TECTA: variants seen among roughly 807,000 people sequenced by gnomAD.
TECTA encodes tectorin alpha, also known as alpha-tectorin.
Under a neutral mutation model 216.8 loss-of-function variants are expected in TECTA, and 128 were observed. That is an observed-to-expected ratio of 0.59 (90% CI 0.51 to 0.68). The LOEUF (loss-of-function observed/expected upper bound fraction) is 0.68, where lower values mean the gene tolerates loss of function less well. Ranked by LOEUF, TECTA falls within the 30% of genes least tolerant of loss-of-function variation. The probability of loss-of-function intolerance (pLI) is 0.00; values close to 1 mark genes in which losing one functional copy is unlikely to be tolerated. For synonymous variants in TECTA, 1,089 were observed against 1,117.1 expected (o/e 0.97, Z 0.50); for missense variants, 2,551 against 2,786.2 (o/e 0.92, Z 1.90).
intron 8 of TECTA, among the ~76,000 whole-genome samples, chr11:121,126,139 C>T (rs1018374909): frequency 1.3e-4 from 20 of 152,194 alleles, no homozygotes; most frequent in African/African-American, 4.1e-4. Flanking sequence ...CAGCAGGGGA[C>T]GGCAGCTCCA....
intron 7 of TECTA, among the ~76,000 whole-genome samples, chr11:121,119,079 TG>T (rs1341029970): frequency 6.6e-6 from 1 of 152,002 alleles, no homozygotes; most frequent in African/African-American, 2.4e-5. Context: ...CTCATGGTCC[TG>T]GCTTGCAATA....
At chr11:121,117,853 A>G (rs1168356326) in intron 6 of TECTA, among the ~76,000 whole-genome samples, 3 of 152,226 alleles carry the variant, frequency 2.0e-5, no homozygotes, top group African/African-American at 7.2e-5. Flanking sequence ...CTGGGCCCCC[A>G]ACAAATGTCT....
At chr11:121,116,659 TGGGGTATAGCA>T (rs1409389618) in intron 6 of TECTA, among the ~76,000 whole-genome samples, 2 of 152,206 alleles carry the variant, frequency 1.3e-5, no homozygotes, top group Non-Finnish European at 2.9e-5. Flanking sequence ...GGATTTGGCC[TGGGGTATAGCA>T]GGGGAAGTGT....
intron 21 of TECTA, among the ~76,000 whole-genome samples, chr11:121,188,339 C>T (rs1302266514): frequency 6.6e-6 from 1 of 152,216 alleles, no homozygotes; most frequent in Non-Finnish European, 1.5e-5. Flanking sequence ...ATACCAGTCA[C>T]ATCTTCCCCC....
chr11:121,108,836 C>T (rs931934483), intron 3 of TECTA, among the ~76,000 whole-genome samples: 6 of 141,392 alleles, frequency 4.2e-5, no homozygotes, highest in African/African-American at 1.4e-4. Flanking sequence ...CGCACCTCAC[C>T]CCAGTACACA....
At chr11:121,165,199 G>C (rs1454284896) in intron 16 of TECTA, 74 bp from the exon 17 acceptor site, 1 of 1,403,680 alleles carries the variant, frequency 7.1e-7, no homozygotes, top group Non-Finnish European at 9.9e-7. Context: ...GGCAAGTCTG[G>C]AGTGGAACCA....
chr11:121,124,698 G>A (rs1565521731), intron 7 of TECTA, among the ~76,000 whole-genome samples: 1 of 152,170 alleles, frequency 6.6e-6, no homozygotes, highest in Non-Finnish European at 1.5e-5. Flanking sequence ...CTGACATAGT[G>A]CTTGGTACCT....
At chr11:121,141,241 G>A (rs11218156) in intron 11 of TECTA, among the ~76,000 whole-genome samples, 1 of 152,282 alleles carries the variant, frequency 6.6e-6, no homozygotes, top group East Asian at 1.9e-4. Flanking sequence ...GTTATTATTA[G>A]TCACCATCTC....
chr11:121,185,414 T>G (rs1947274350), intron 20 of TECTA, among the ~76,000 whole-genome samples: 1 of 146,980 alleles, frequency 6.8e-6, no homozygotes, highest in Non-Finnish European at 1.5e-5. Flanking sequence ...GGAAAGCAGA[T>G]GTTCAATGCT....
Position 121,189,748 on chromosome 11 carries a change from A to G in TECTA, c.6251-16A>G, listed in dbSNP as rs1386642704. 1 of 1,610,410 alleles carries G rather than the reference A, an allele frequency of 6.2e-7. No individual in the cohort carries two copies. Among genetic ancestry groups the G allele is most frequent in the East Asian group, 2.2e-5 (1 of 44,848 alleles). ...TGAACTGTCTGTAGTTAATCTTCCT[A>G]ACTGCTCTTTTGTAGGGCTGGACTG... On this transcript the variant is annotated splice_polypyrimidine_tract_variant and intron_variant, in intron 22 of 23. Coordinates refer to ENST00000392793, the MANE Select transcript of TECTA (RefSeq NM_005422.4).
chr11:121,128,107 G>T lies in TECTA; in HGVS notation c.2130G>T (p.Glu710Asp), dbSNP rs376842496. ...DGYQGCFPKR[E>D]TVCLLSQNQV... ...ACCAGGGCTGCTTCCCCAAGCGGGA[G>T]ACCGTGTGCCTGCTCAGCCAGAACC... The change falls in exon 9 of 24, where the codon GAG becomes GAT. Residue 710 changes from glutamate (E) to aspartate (D), a missense_variant. Coordinates refer to ENST00000392793, the MANE Select transcript of TECTA (RefSeq NM_005422.4). 2 of 1,612,774 alleles carry T rather than the reference G, an allele frequency of 1.2e-6. No individual in the cohort carries two copies. The highest frequency in any genetic ancestry group is 1.3e-5 in the African/African-American group (1 of 74,940).
intron 16 of TECTA, among the ~76,000 whole-genome samples, chr11:121,164,401 CT>C (rs1947030776): frequency 6.6e-6 from 1 of 152,162 alleles, no homozygotes. Flanking sequence ...CCATCATATA[CT>C]GTGATGAACA....
chr11:121,148,624 T>C (rs1946862370), intron 12 of TECTA, among the ~76,000 whole-genome samples: 1 of 152,126 alleles, frequency 6.6e-6, no homozygotes, highest in South Asian at 2.1e-4. Flanking sequence ...CACCTCTCAT[T>C]CTACCAAAAA....
In TECTA at chr11:121,188,038, CT is replaced by C. The variant is rs1300017673; in HGVS notation, c.6162+45del. 4 of 1,609,664 alleles carry C rather than the reference CT, an allele frequency of 2.5e-6. No homozygotes were observed. The African/African-American group carries it at 4.0e-5, about 16-fold the overall frequency. ...ACAAAGTGCTTAGCCTTATTTCTCA[CT>C]GTCTTGGTTTCCCAACATGAGGATC... On this transcript the variant is annotated intron_variant, in intron 21 of 23. Coordinates refer to ENST00000392793, the MANE Select transcript of TECTA (RefSeq NM_005422.4).
chr11:121,102,734 G>A lies in TECTA; in HGVS notation c.64+5G>A. 1 of 1,612,554 alleles carries A rather than the reference G, an allele frequency of 6.2e-7. No homozygotes were observed. Among genetic ancestry groups the A allele is most frequent in the South Asian group, 1.1e-5 (1 of 91,038 alleles). On this transcript the variant is annotated splice_donor_5th_base_variant and intron_variant, in intron 2 of 23. Coordinates refer to ENST00000392793, the MANE Select transcript of TECTA (RefSeq NM_005422.4). ...TCGCACTTGTACAGCACCAAGGTGA[G>A]TACTACAGAATTCCATAAAGCTCTC...
At chr11:121,165,759 G>A (rs765422066) in intron 17 of TECTA, among the ~76,000 whole-genome samples, 1 of 152,154 alleles carries the variant, frequency 6.6e-6, no homozygotes, top group Non-Finnish European at 1.5e-5. Flanking sequence ...TGGTCCTGAA[G>A]ATATATACAA....
At chr11:121,168,342 C>A in intron 19 of TECTA, 125 bp downstream of exon 19, 1 of 1,320,110 alleles carries the variant, frequency 7.6e-7, no homozygotes, top group Non-Finnish European at 1.1e-6. Context: ...GTTTCTTGAG[C>A]CTAAATGCTT....
chr11:121,125,504 T>G lies in TECTA; in HGVS notation c.1406T>G (p.Leu469Arg). The change falls in exon 8 of 24, where the codon CTG (leucine) becomes CGG (arginine). Residue 469 changes from leucine (L) to arginine (R), a missense_variant. Around this residue, in one of 3 missense-constraint regions of TECTA, gnomAD observed 2,375 missense variants for 2,563.9 expected, o/e 0.93. Transcript: ENST00000392793. Reference sequence around the variant, plus strand: ...TGTGGAAACTATAATAAAAACCCACTGGATGACTTCCTCCGCCCGGATGGC... The same window carrying G: ...TGTGGAAACTATAATAAAAACCCACGGGATGACTTCCTCCGCCCGGATGGC... The part of the protein sequence containing the change: ...GLCGNYNKNP[L>R]DDFLRPDGRP... The G allele has an allele frequency of 1.9e-6, 3 of 1,614,172 alleles. No individual in the cohort carries two copies. The highest frequency in any genetic ancestry group is 2.5e-6 in the Non-Finnish European group (3 of 1,180,028).
rs1421449135 is a variant in TECTA, at chr11:121,137,521, T to G, written c.3042T>G (p.Ser1014=). ...GCCCCATCTGCGTGGATAGCTGCTC[T>G]GAGGGATGTCAGTGTGATGAGGGCT... ...TLGPICVDSC[S]EGCQCDEGYA... is the part of the protein sequence containing the mutation. The change falls in exon 11 of 24, where the codon TCT becomes TCG. Residue 1014 remains serine, a synonymous_variant. Transcript: ENST00000392793. The G allele has an allele frequency of 6.2e-7, 1 of 1,613,932 alleles. No homozygotes were observed. Among genetic ancestry groups the G allele is most frequent in the Non-Finnish European group, 8.5e-7 (1 of 1,179,956 alleles).
Sources: allele counts gnomAD v4.1 joint callset (sites outside exome capture counted in the v4.1 genomes callset), GRCh38; gene constraint gnomAD v4.1.1; regional missense constraint gnomAD v4.1.1; transcripts MANE v1.5; gene names NCBI Gene and HGNC (gene_info 2026-07-23, HGNC 2026-07-21).